The following UNC5D variants were observed in gnomAD, a reference collection of about 807,000 sequenced individuals.
The protein encoded by UNC5D is unc-5 netrin receptor D.
Under a neutral mutation model 105.4 loss-of-function variants are expected in UNC5D, and 39 were observed. The observed-to-expected ratio is 0.37, with a 90% CI of 0.29 to 0.48. The LOEUF is 0.48. UNC5D is among the 20% of genes least tolerant of loss of function. The probability of loss-of-function intolerance (pLI) is 0.98; values close to 1 mark genes in which losing one functional copy is unlikely to be tolerated. For synonymous variants in UNC5D, 452 were observed against 450.4 expected, an observed-to-expected ratio of 1.00 and a Z score of -0.04; for missense variants, 991 against 1,202.4, an observed-to-expected ratio of 0.82 and a Z score of 2.60.
chr8:35,700,355 C>T (rs1827104341), intron 7 of UNC5D, among the ~76,000 whole-genome samples: 1 of 151,774 alleles, frequency 6.6e-6, no homozygotes, highest in Admixed American at 6.6e-5. Context: ...CAGTGTCACA[C>T]AAATAAGCAT....
intron 5 of UNC5D, 79 bp from the exon 6 acceptor site, chr8:35,684,503 G>C: frequency 6.5e-7 from 1 of 1,530,420 alleles, no homozygotes; most frequent in Non-Finnish European, 8.8e-7. Flanking sequence ...ACAGCACCTG[G>C]CACAGTGGCT....
At chr8:35,246,132 A>G (rs1039254585) in intron 1 of UNC5D, among the ~76,000 whole-genome samples, 3 of 151,982 alleles carry the variant, frequency 2.0e-5, no homozygotes, top group Admixed American at 6.6e-5. Flanking sequence ...AGTTCTTTTT[A>G]TTTGTAGGAG....
In UNC5D at chr8:35,705,930, TA is replaced by T; in HGVS notation, c.1092del (p.Lys364AsnfsTer6). The T allele has an allele frequency of 2.3e-6, 3 of 1,330,182 alleles. No individual in the cohort carries two copies. Among genetic ancestry groups the T allele is most frequent in the South Asian group, 1.2e-5 (1 of 81,100 alleles). The allele number at this position is 1,330,182 out of a possible 1,614,324, so 82.4% of individuals were successfully genotyped here. On this transcript the variant is annotated frameshift_variant and splice_region_variant, in exon 8 of 17. Coordinates refer to ENST00000404895, the MANE Select transcript of UNC5D (RefSeq NM_080872.4). LOFTEE classifies it high-confidence loss of function. Reference protein sequence around the residue: ...NCTDGLCILDKKPLHEIKPQS... With the variant: ...NCTDGLCILDXKPLHEIKPQS... ...TTTTTCTTTCTTTCTTTCTTTTAGA[TA>T]AAAAACCTCTTCATGAAATAAAACC...
chr8:35,365,264 C>T (rs1802049248), intron 1 of UNC5D, among the ~76,000 whole-genome samples: 1 of 151,964 alleles, frequency 6.6e-6, no homozygotes, highest in African/African-American at 2.4e-5. Flanking sequence ...TTTCATTTTG[C>T]ACAACTGAGC....
intron 1 of UNC5D, among the ~76,000 whole-genome samples, chr8:35,265,868 CATAATA>C (rs3991303): frequency 0.65 from 92,900 of 142,314 alleles, 31,207 homozygotes; most frequent in East Asian, 0.91. Flanking sequence ...AGACTCGTCT[CATAATA>C]ATAATAATAA....
At chr8:35,627,403 G>A (rs1821754094) in intron 4 of UNC5D, among the ~76,000 whole-genome samples, 1 of 152,152 alleles carries the variant, frequency 6.6e-6, no homozygotes, top group African/African-American at 2.4e-5. Flanking sequence ...CACACTCAGG[G>A]CATCTTTATT....
At chr8:35,618,463 A>G (rs1027469079) in intron 4 of UNC5D, among the ~76,000 whole-genome samples, 1 of 152,218 alleles carries the variant, frequency 6.6e-6, no homozygotes, top group Non-Finnish European at 1.5e-5. Context: ...AATAAAAGCT[A>G]AAGAGAGAAA....
intron 4 of UNC5D, among the ~76,000 whole-genome samples, chr8:35,644,765 A>C (rs529435095): frequency 6.6e-6 from 1 of 152,278 alleles, no homozygotes; most frequent in Admixed American, 6.5e-5. Flanking sequence ...TGATCATCTT[A>C]AAGAGTTGTG....
At chr8:35,448,554 C>G (rs1242287412) in intron 1 of UNC5D, among the ~76,000 whole-genome samples, 1 of 152,046 alleles carries the variant, frequency 6.6e-6, no homozygotes, top group Non-Finnish European at 1.5e-5. Flanking sequence ...ATTCTTGACC[C>G]TAATCTGCAC....
At chr8:35,689,742 G>A (rs924774715) in intron 7 of UNC5D, among the ~76,000 whole-genome samples, 1 of 152,162 alleles carries the variant, frequency 6.6e-6, no homozygotes, top group Non-Finnish European at 1.5e-5. Context: ...CAACTGATTG[G>A]ATGAGGCCCA....
intron 1 of UNC5D, among the ~76,000 whole-genome samples, chr8:35,287,229 A>G (rs1469268306): frequency 1.3e-5 from 2 of 152,214 alleles, no homozygotes; most frequent in East Asian, 1.9e-4. Context: ...ATCAGGCAAC[A>G]TGACACCACC....
intron 7 of UNC5D, among the ~76,000 whole-genome samples, chr8:35,690,737 C>T (rs1053035965): frequency 2.0e-5 from 3 of 152,224 alleles, no homozygotes; most frequent in Non-Finnish European, 4.4e-5. Context: ...TCGGAGTGCT[C>T]TTGGTGAAAA....
intron 4 of UNC5D, among the ~76,000 whole-genome samples, chr8:35,613,616 G>T (rs945187369): frequency 1.3e-5 from 2 of 152,286 alleles, no homozygotes; most frequent in African/African-American, 2.4e-5. Flanking sequence ...CCAGCACTTT[G>T]GGTGGGTGGG....
At chr8:35,642,604 A>G (rs1822811649) in intron 4 of UNC5D, among the ~76,000 whole-genome samples, 1 of 152,056 alleles carries the variant, frequency 6.6e-6, no homozygotes, top group Non-Finnish European at 1.5e-5. Flanking sequence ...AGCCTGCGAA[A>G]TCCGAATCAG....
At chr8:35,426,242 G>A (rs983303030) in intron 1 of UNC5D, among the ~76,000 whole-genome samples, 14 of 152,176 alleles carry the variant, frequency 9.2e-5, no homozygotes, top group African/African-American at 3.4e-4. Flanking sequence ...TCTTTCAACT[G>A]TTCCTCATAA....
At chr8:35,365,591 CAAAAAAAAAAAA>C (rs10715369) in intron 1 of UNC5D, among the ~76,000 whole-genome samples, 81 of 49,888 alleles carry the variant, frequency 1.6e-3, no homozygotes, top group African/African-American at 3.1e-3. Context: ...CCATCCCCTG[CAAAAAAAAAAAA>C]AAAAAAAAAA....
chr8:35,465,404 A>G (rs1331562716), intron 1 of UNC5D, among the ~76,000 whole-genome samples: 1 of 151,076 alleles, frequency 6.6e-6, no homozygotes, highest in Non-Finnish European at 1.5e-5. Context: ...AGAATATTGT[A>G]TGCTCAAAAG....
chr8:35,307,707 C>A (rs1036009726), intron 1 of UNC5D, among the ~76,000 whole-genome samples: 6 of 152,070 alleles, frequency 3.9e-5, no homozygotes, highest in Non-Finnish European at 8.8e-5. Context: ...TAATTAACCT[C>A]GCATTTCCAC....
At chr8:35,417,796 C>G (rs1014379550) in intron 1 of UNC5D, among the ~76,000 whole-genome samples, 1 of 152,088 alleles carries the variant, frequency 6.6e-6, no homozygotes, top group African/African-American at 2.4e-5. Context: ...AACAGCCACC[C>G]TGGTCATGTT....
Sources: gnomAD v4.1 joint callset for allele counts (sites outside exome capture counted in the v4.1 genomes callset) on GRCh38, gnomAD v4.1.1 for gene constraint, MANE v1.5 for transcripts, NCBI Gene and HGNC (gene_info 2026-07-23, HGNC 2026-07-21) for gene names.